The following TFF1 variants were observed in gnomAD, a reference collection of about 807,000 sequenced individuals.
TFF1 encodes the protein breast cancer estrogen-inducible protein.
Under a neutral mutation model 7.7 loss-of-function variants are expected in TFF1, and 8 were observed. That is an observed-to-expected ratio of 1.04 (90% CI 0.61 to 1.87). TFF1 has a LOEUF of 1.87. TFF1 is among the 40% of genes most tolerant of loss of function. The pLI, the probability that TFF1 is intolerant of heterozygous loss-of-function variation, is 0.00. For synonymous variants in TFF1, 47 were observed against 44.8 expected, an observed-to-expected ratio of 1.05 and a Z score of -0.19; for missense variants, 120 against 113.4, an observed-to-expected ratio of 1.06 and a Z score of -0.26.
chr21:42,363,433 A>C (rs1222278915), intron 1 of TFF1, 26 bp from the exon 2 acceptor site: 2 of 1,605,872 alleles, frequency 1.2e-6, no homozygotes, highest in Non-Finnish European at 8.5e-7. Flanking sequence ...TAAGAAGCAA[A>C]GTAAGTTGTG....
At chr21:42,364,325 C>T (rs1371607429) in intron 1 of TFF1, among the ~76,000 whole-genome samples, 1 of 152,062 alleles carries the variant, frequency 6.6e-6, no homozygotes, top group Non-Finnish European at 1.5e-5. Flanking sequence ...AAGGCCATTC[C>T]AGAGACCCAG....
intron 1 of TFF1, among the ~76,000 whole-genome samples, chr21:42,364,222 T>C (rs1157297792): frequency 6.6e-6 from 1 of 151,840 alleles, no homozygotes; most frequent in Non-Finnish European, 1.5e-5. Context: ...GGTAGGGCAC[T>C]CCCCGGAGAG....
At chr21:42,363,515 A>G (rs990639769) in intron 1 of TFF1, 108 bp from the exon 2 acceptor site, 2 of 1,361,278 alleles carry the variant, frequency 1.5e-6, no homozygotes, top group Non-Finnish European at 2.0e-6. Flanking sequence ...GCAACTGTCC[A>G]GTGAGGCGGA....
At chr21:42,365,943 T>G (rs567327171) in intron 1 of TFF1, among the ~76,000 whole-genome samples, 1 of 152,070 alleles carries the variant, frequency 6.6e-6, no homozygotes, top group African/African-American at 2.4e-5. Flanking sequence ...GGTCTCCCAG[T>G]TGGCCACCAC....
chr21:42,363,216 T>G (rs367941532), intron 2 of TFF1, 39 bp downstream of exon 2: 1 of 1,613,568 alleles, frequency 6.2e-7, no homozygotes, highest in East Asian at 2.2e-5. Context: ...TTCTAACTAA[T>G]TCTAAATCTT....
At position 42,362,508 on chromosome 21, in the gene TFF1, G is replaced by T; in HGVS notation, c.239-13C>A. The T allele has an allele frequency of 6.3e-7, 1 of 1,577,028 alleles. No individual in the cohort carries two copies. The highest frequency in any genetic ancestry group is 8.6e-7 in the Non-Finnish European group (1 of 1,162,496). The stretch of plus-strand genomic sequence containing the variant: ...AATTCACACTCCTCTACAGGGGTGA[G>T]GGGGAGGGAGAAAGAGATGCTTTAG... On this transcript the variant is annotated splice_polypyrimidine_tract_variant and intron_variant, in intron 2 of 2. Coordinates refer to ENST00000291527, the MANE Select transcript of TFF1 (RefSeq NM_003225.3).
chr21:42,362,677 G>A (rs550921985), intron 2 of TFF1, among the ~76,000 whole-genome samples, 182 bp from the exon 3 acceptor site: 26 of 152,310 alleles, frequency 1.7e-4, no homozygotes, highest in Admixed American at 3.3e-4. Context: ...GGAGGCTGAG[G>A]CGGGCAGATC....
chr21:42,362,439 G>C lies in TFF1; in HGVS notation c.*40C>G, dbSNP rs181388912. ...TGGGACTAATCACCGTGCTGGGGAC[G>C]GCACCGCGTCAGGATGCAGGCAGAT... On this transcript the variant is annotated 3_prime_UTR_variant, in exon 3 of 3. Coordinates refer to ENST00000291527, the MANE Select transcript of TFF1 (RefSeq NM_003225.3). 2.5e-4 allele frequency: 397 copies of C among 1,566,044 alleles called. No individual in the cohort carries two copies. In the African/African-American group the frequency reaches 4.4e-3, roughly 17 times the overall value.
In TFF1 at chr21:42,362,421, A is replaced by T. The variant is rs886312649; in HGVS notation, c.*58T>A. 5 of 1,553,218 alleles carry T rather than the reference A, an allele frequency of 3.2e-6. No individual in the cohort carries two copies. In the African/African-American group the frequency reaches 6.9e-5, roughly 21 times the overall value. On this transcript the variant is annotated 3_prime_UTR_variant, in exon 3 of 3. Transcript: ENST00000291527. ...GAGGTGGCAGCCGAGCTCTGGGACT[A>T]ATCACCGTGCTGGGGACGGCACCGC... is the stretch of plus-strand genomic sequence containing the variant.
chr21:42,362,356 C>A lies in TFF1; in HGVS notation c.*123G>T, dbSNP rs2052243878. ...CAGAGCAGTCAATCTGTGTTGTGAG[C>A]CGAGGCACAGCTGCAGAAGCGTGTC... On this transcript the variant is annotated 3_prime_UTR_variant, in exon 3 of 3. Coordinates refer to ENST00000291527, the MANE Select transcript of TFF1 (RefSeq NM_003225.3). 1.8e-6 allele frequency: 2 copies of A among 1,136,474 alleles called. No homozygotes were observed. Among genetic ancestry groups the A allele is most frequent in the African/African-American group, 3.2e-5 (2 of 62,874 alleles). The allele number at this position is 1,136,474 out of a possible 1,614,324, so 70.4% of individuals were successfully genotyped here.
rs116945349 is a variant in TFF1 at position 42,363,551 on chromosome 21, G to A, written c.86-144C>T. On this transcript the variant is annotated intron_variant, in intron 1 of 2. Coordinates refer to ENST00000291527, the MANE Select transcript of TFF1 (RefSeq NM_003225.3). ...TATAAAACCCTCAGGACATGAGAGG[G>A]AGACGTGGTCCTCACATCCTGATGT... 7.0e-3 allele frequency: 7,484 copies of A among 1,068,570 alleles called. 39 individuals carry two copies. The highest frequency in any genetic ancestry group is 8.5e-3 in the Non-Finnish European group (6,505 of 763,546). The allele number at this position is 1,068,570 out of a possible 1,614,324, so 66.2% of individuals were successfully genotyped here. A position where few individuals can be genotyped will look rare whatever the true frequency, so the allele number is the denominator to read the frequency against.
chr21:42,366,287 A>T, intron 1 of TFF1, 124 bp downstream of exon 1: 1 of 640,944 alleles, frequency 1.6e-6, no homozygotes, highest in Non-Finnish European at 2.5e-6. Context: ...ATATACTTTT[A>T]AGGGCCTAGA....
At chr21:42,363,233 C>G (rs747544943) in intron 2 of TFF1, 22 bp downstream of exon 2, 7 of 1,613,896 alleles carry the variant, frequency 4.3e-6, no homozygotes, top group Non-Finnish European at 5.9e-6. Flanking sequence ...TCTTCAGAAC[C>G]CATCGTATAA....
chr21:42,363,152 T>A (rs1413319099), intron 2 of TFF1, 103 bp downstream of exon 2: 5 of 1,494,490 alleles, frequency 3.3e-6, no homozygotes, highest in Non-Finnish European at 4.6e-6. Flanking sequence ...CGTGACTCTG[T>A]GTAAAGGCAT....
At chr21:42,364,179 C>T (rs187681849) in intron 1 of TFF1, among the ~76,000 whole-genome samples, 12 of 151,890 alleles carry the variant, frequency 7.9e-5, no homozygotes, top group Admixed American at 3.3e-4. Context: ...CAACGCAAGG[C>T]CATCGTCCCA....
Position 42,362,289 on chromosome 21 carries a change from C to G in TFF1, c.*190G>C. 1.6e-6 allele frequency: 1 copy of G among 616,562 alleles called. No individual in the cohort carries two copies. Among genetic ancestry groups the G allele is most frequent in the Non-Finnish European group, 2.8e-6 (1 of 356,294 alleles). 38.2% of individuals were successfully genotyped at this position (616,562 alleles called of 1,614,324 possible). On this transcript the variant is annotated 3_prime_UTR_variant, in exon 3 of 3. Transcript: ENST00000291527. ...AAGAATGAACAGCACAGATTAATAT[C>G]GATCTCTTTTAATTTTTAGGCCAAT...
Position 42,366,440 on chromosome 21 carries a change from G to T in TFF1, c.56C>A (p.Ala19Asp), listed in dbSNP as rs146053647. The T allele has an allele frequency of 2.5e-6, 4 of 1,612,180 alleles. No individual in the cohort carries two copies. The African/African-American group carries it at 5.3e-5, about 22-fold the overall frequency. ...CTGGGCCTCGGCCAGGGTGCCGAGG[G>T]CCAGCATGGACACCAGGACCAGGGC... is the stretch of plus-strand genomic sequence containing the variant. Reference protein sequence around the residue: ...ICALVLVSMLALGTLAEAQTE... With the variant: ...ICALVLVSMLDLGTLAEAQTE... The change falls in exon 1 of 3, where the codon GCC (alanine) becomes GAC (aspartate). Residue 19 changes from alanine to aspartate, a missense_variant. Coordinates refer to ENST00000291527, the MANE Select transcript of TFF1 (RefSeq NM_003225.3).
intron 1 of TFF1, among the ~76,000 whole-genome samples, chr21:42,363,990 C>A (rs779965745): frequency 7.2e-5 from 11 of 151,936 alleles, no homozygotes; most frequent in African/African-American, 1.2e-4. Context: ...GTCTGTAATC[C>A]CAGCTACTTG....
At chr21:42,362,854 G>A (rs954305863) in intron 2 of TFF1, among the ~76,000 whole-genome samples, 4 of 146,516 alleles carry the variant, frequency 2.7e-5, no homozygotes, top group South Asian at 2.1e-4. Flanking sequence ...AGCCAAGATC[G>A]CACCATTGCA....
Sources: gnomAD v4.1 joint callset for allele counts (sites outside exome capture counted in the v4.1 genomes callset) on GRCh38, gnomAD v4.1.1 for gene constraint, MANE v1.5 for transcripts, NCBI Gene and HGNC (gene_info 2026-07-23, HGNC 2026-07-21) for gene names.